DOCK4: variants seen among roughly 807,000 people sequenced by gnomAD.
DOCK4 encodes dedicator of cytokinesis 4.
DOCK4 carries 97 observed loss-of-function variants against 268.1 expected under a neutral mutation model. The observed-to-expected ratio is 0.36, with a 90% confidence interval of 0.31 to 0.43. DOCK4 has a LOEUF of 0.43. Ranked by LOEUF, DOCK4 falls within the 20% of genes least tolerant of loss-of-function variation. The probability of loss-of-function intolerance (pLI) is 1.00; values close to 1 mark genes in which losing one functional copy is unlikely to be tolerated. For missense variants in DOCK4, 2,145 were observed against 2,455.7 expected (o/e 0.87, Z 2.67); for synonymous variants, 954 against 887.2 (o/e 1.08, Z -1.34).
chr7:112,084,253 C>G (rs1808860217), intron 1 of DOCK4, among the ~76,000 whole-genome samples: 1 of 152,192 alleles, frequency 6.6e-6, no homozygotes, highest in Admixed American at 6.5e-5. Flanking sequence ...TTTTATGGAG[C>G]AACAGCTGAC....
intron 12 of DOCK4, among the ~76,000 whole-genome samples, chr7:111,931,133 G>A (rs764316631): frequency 1.1e-4 from 17 of 152,170 alleles, no homozygotes; most frequent in African/African-American, 3.4e-4. Flanking sequence ...CACAAGGACA[G>A]CGGAGCAGAC....
chr7:111,766,541 A>G (rs1797771781), intron 38 of DOCK4, among the ~76,000 whole-genome samples: 1 of 152,200 alleles, frequency 6.6e-6, no homozygotes, highest in Non-Finnish European at 1.5e-5. Context: ...CAGAATACTC[A>G]ACTCCTTGAG....
chr7:111,849,272 T>C (rs1804354645), intron 23 of DOCK4, among the ~76,000 whole-genome samples: 1 of 151,124 alleles, frequency 6.6e-6, no homozygotes, highest in Non-Finnish European at 1.5e-5. Context: ...CTTTTTTTTT[T>C]TTTTTTTTGA....
At chr7:111,971,385 G>T in intron 8 of DOCK4, 1 of 199,292 alleles carries the variant, frequency 5.0e-6, no homozygotes, top group African/African-American at 2.3e-5. Context: ...AAGCTCTTTT[G>T]TCTTCCAAGC....
At chr7:111,911,872 G>T (rs1030789412) in intron 13 of DOCK4, among the ~76,000 whole-genome samples, 1 of 150,936 alleles carries the variant, frequency 6.6e-6, no homozygotes. Context: ...AATTTTTTTT[G>T]TTGTTGAAGA....
At chr7:111,816,817 T>C (rs1032191365) in intron 27 of DOCK4, among the ~76,000 whole-genome samples, 1 of 152,220 alleles carries the variant, frequency 6.6e-6, no homozygotes, top group Non-Finnish European at 1.5e-5. Flanking sequence ...ATTTCATTTA[T>C]TTATTTATTT....
rs575937006 is a variant in DOCK4 at position 111,858,328 on chromosome 7, T to A, written c.2473+5044A>T. 1.2e-3 allele frequency among the ~76,000 whole-genome samples: 179 copies of A among 152,328 alleles called. 1 individual carries two copies. Among genetic ancestry groups the A allele is most frequent in the African/African-American group, 3.8e-3 (156 of 41,566 alleles). On this transcript the variant is annotated intron_variant, in intron 23 of 52. Coordinates refer to ENST00000428084, the MANE Select transcript of DOCK4 (RefSeq NM_001363540.2). ...GCTTTTTTCTCCTTGGGATTTGTGA[T>A]GGTTAATTTTAATGTGTCAACTTGT...
chr7:112,000,277 C>T (rs1800315660), intron 3 of DOCK4, among the ~76,000 whole-genome samples: 1 of 152,046 alleles, frequency 6.6e-6, no homozygotes, highest in East Asian at 1.9e-4. Context: ...AAGGTCTTCT[C>T]AGTACAATTT....
intron 1 of DOCK4, among the ~76,000 whole-genome samples, chr7:112,083,356 C>A (rs1036345985): frequency 6.6e-6 from 1 of 151,914 alleles, no homozygotes; most frequent in African/African-American, 2.4e-5. Flanking sequence ...CCTAGTTGTT[C>A]TGTGAGTTGG....
chr7:111,984,241 T>G, intron 7 of DOCK4, 65 bp downstream of exon 7: 1 of 1,377,590 alleles, frequency 7.3e-7, no homozygotes, highest in South Asian at 1.3e-5. Context: ...CAAGCAAGTA[T>G]GAGGAGTGCC....
chr7:111,861,766 A>C (rs1160782950), intron 23 of DOCK4, among the ~76,000 whole-genome samples: 1 of 150,122 alleles, frequency 6.7e-6, no homozygotes, highest in Non-Finnish European at 1.5e-5. Context: ...AAAAATAATA[A>C]TAATAATATT....
At chr7:111,760,730 T>G (rs1487709825) in intron 39 of DOCK4, among the ~76,000 whole-genome samples, 1 of 141,444 alleles carries the variant, frequency 7.1e-6, no homozygotes, top group Non-Finnish European at 1.5e-5. Flanking sequence ...AAATTTGTTG[T>G]CTGCTTTTTG....
chr7:112,064,039 G>C (rs1226926042), intron 1 of DOCK4, among the ~76,000 whole-genome samples: 1 of 152,130 alleles, frequency 6.6e-6, no homozygotes, highest in East Asian at 1.9e-4. Flanking sequence ...CATCAGACGT[G>C]AGTTTTGATT....
chr7:112,177,194 A>G (rs557657822), intron 1 of DOCK4, among the ~76,000 whole-genome samples: 12 of 152,310 alleles, frequency 7.9e-5, no homozygotes, highest in African/African-American at 2.9e-4. Flanking sequence ...GGTATTTGTT[A>G]AGAGTTAAAT....
chr7:111,964,054 T>C (rs1480286960), intron 8 of DOCK4, among the ~76,000 whole-genome samples: 4 of 140,482 alleles, frequency 2.8e-5, no homozygotes, highest in Non-Finnish European at 6.1e-5. Context: ...AAAACCCATC[T>C]GTACATCACC....
intron 8 of DOCK4, among the ~76,000 whole-genome samples, chr7:111,964,816 T>C (rs1312776310): frequency 1.1e-5 from 1 of 93,584 alleles, no homozygotes; most frequent in Non-Finnish European, 2.0e-5. Flanking sequence ...AAAGGTCGGG[T>C]TACCCTCAAA....
intron 30 of DOCK4, chr7:111,808,064 C>T (rs1044243313): frequency 5.3e-5 from 8 of 152,048 alleles, no homozygotes; most frequent in East Asian, 1.9e-4. Context: ...CAGGTCATTA[C>T]GTATTCAACT....
chr7:111,996,271 C>G (rs556801346), intron 4 of DOCK4, among the ~76,000 whole-genome samples: 2 of 152,130 alleles, frequency 1.3e-5, no homozygotes, highest in Non-Finnish European at 2.9e-5. Context: ...TGGGGGTTGT[C>G]CAAGCAAAAT....
At chr7:111,875,759 T>G (rs1193280925) in intron 17 of DOCK4, among the ~76,000 whole-genome samples, 3 of 152,232 alleles carry the variant, frequency 2.0e-5, no homozygotes, top group Admixed American at 6.5e-5. Flanking sequence ...CCAGGGGGAA[T>G]GCAGCCCTGC....
Sources: gnomAD v4.1 joint callset for allele counts (sites outside exome capture counted in the v4.1 genomes callset) on GRCh38, gnomAD v4.1.1 for gene constraint, MANE v1.5 for transcripts, NCBI Gene and HGNC (gene_info 2026-07-23, HGNC 2026-07-21) for gene names.